The following CALCOCO2 variants were observed in gnomAD, a reference collection of about 807,000 sequenced individuals.
CALCOCO2 encodes calcium binding and coiled-coil domain 2, also known as calcium-binding and coiled-coil domain-containing protein 2.
In CALCOCO2, 42 loss-of-function variants were observed where a neutral mutation model predicts 62.5. That is an observed-to-expected ratio of 0.67 (90% CI 0.53 to 0.87). The LOEUF is 0.87. Among genes scored for constraint, CALCOCO2 ranks in the 40% least tolerant of loss-of-function variants. CALCOCO2 has a pLI of 0.00. For synonymous variants in CALCOCO2, 167 were observed against 173.0 expected, an observed-to-expected ratio of 0.97 and a Z score of 0.27; for missense variants, 456 against 515.0, an observed-to-expected ratio of 0.89 and a Z score of 1.11.
chr17:48,856,230 G>A, intron 10 of CALCOCO2, 43 bp downstream of exon 10: 1 of 1,121,454 alleles, frequency 8.9e-7, no homozygotes, highest in Non-Finnish European at 1.3e-6. Flanking sequence ...GGTTTTAAGG[G>A]GAAGGATCAG....
intron 1 of CALCOCO2, chr17:48,841,451 T>C: frequency 2.8e-6 from 1 of 354,576 alleles, no homozygotes. Flanking sequence ...CCTCTGTTCA[T>C]GTGAGGGTTG....
intron 10 of CALCOCO2, among the ~76,000 whole-genome samples, chr17:48,858,062 A>AATAGAATAGAATAGAATAGG: frequency 7.0e-6 from 1 of 142,578 alleles, no homozygotes; most frequent in African/African-American, 2.6e-5. Flanking sequence ...AATAGAATAG[A>AATAGAATAGAATAGAATAGG]ATAGAATAGA....
intron 1 of CALCOCO2, among the ~76,000 whole-genome samples, chr17:48,836,700 C>T (rs1439550081): frequency 2.6e-5 from 4 of 151,432 alleles, no homozygotes; most frequent in South Asian, 2.1e-4. Context: ...CCCTTTATTT[C>T]CAAGTGGTCT....
chr17:48,838,169 A>C (rs1201661295), intron 1 of CALCOCO2, among the ~76,000 whole-genome samples: 1 of 151,972 alleles, frequency 6.6e-6, no homozygotes, highest in Non-Finnish European at 1.5e-5. Context: ...GGTCGTGATC[A>C]ATTGAGCAAG....
chr17:48,846,013 C>T, intron 2 of CALCOCO2: 6 of 1,249,516 alleles, frequency 4.8e-6, no homozygotes, highest in Non-Finnish European at 6.6e-6. Context: ...ACCTCAAATG[C>T]TCTCCCCAGT....
intron 1 of CALCOCO2, among the ~76,000 whole-genome samples, chr17:48,834,440 C>T (rs905567704): frequency 2.0e-4 from 31 of 152,070 alleles, no homozygotes; most frequent in African/African-American, 7.5e-4. Flanking sequence ...ATTATTTTAC[C>T]CATGCTTGAT....
intron 4 of CALCOCO2, 88 bp from the exon 5 acceptor site, chr17:48,849,164 G>C: frequency 7.8e-7 from 1 of 1,274,592 alleles, no homozygotes; most frequent in Non-Finnish European, 1.1e-6. Flanking sequence ...GCAGTGAATG[G>C]GAATCAGCCA....
chr17:48,862,415 A>C, intron 12 of CALCOCO2, 111 bp downstream of exon 12: 1 of 803,826 alleles, frequency 1.2e-6, no homozygotes, highest in Admixed American at 1.9e-5. Context: ...TAACTCCAGA[A>C]GTCAGCTGGA....
At chr17:48,852,842 C>A in intron 8 of CALCOCO2, 84 bp from the exon 9 acceptor site, 1 of 1,113,388 alleles carries the variant, frequency 9.0e-7, no homozygotes, top group Non-Finnish European at 1.4e-6. Context: ...CCTGCTTGCT[C>A]ATTAGCTTAG....
chr17:48,858,777 G>T (rs991887861), intron 10 of CALCOCO2, among the ~76,000 whole-genome samples: 1 of 151,844 alleles, frequency 6.6e-6, no homozygotes, highest in Non-Finnish European at 1.5e-5. Flanking sequence ...ACTGTAGGCC[G>T]GGTGCTGTGG....
At chr17:48,854,382 T>TTATATATATATATA (rs201839175) in intron 9 of CALCOCO2, among the ~76,000 whole-genome samples, 248 of 5,968 alleles carry the variant, frequency 0.042, 51 homozygotes, top group Non-Finnish European at 0.1. Flanking sequence ...TTTCTTTTAT[T>TTATATATATATATA]TATATATATA....
intron 10 of CALCOCO2, chr17:48,856,450 G>T: frequency 2.8e-5 from 13 of 469,408 alleles, no homozygotes; most frequent in Admixed American, 2.2e-4. Flanking sequence ...ACTTATTTTT[G>T]CTTTTAACTT....
intron 5 of CALCOCO2, 139 bp downstream of exon 5, chr17:48,849,516 G>A (rs2040098098): frequency 2.6e-6 from 2 of 769,232 alleles, no homozygotes; most frequent in African/African-American, 3.5e-5. Flanking sequence ...AGTTTTGTTT[G>A]TTTGTTTGAA....
At chr17:48,854,999 T>G (rs926507722) in intron 9 of CALCOCO2, among the ~76,000 whole-genome samples, 6 of 152,218 alleles carry the variant, frequency 3.9e-5, no homozygotes, top group Non-Finnish European at 8.8e-5. Context: ...GCTGCACTGG[T>G]AGGTGACAGA....
chr17:48,837,248 C>A (rs753402795), intron 1 of CALCOCO2, among the ~76,000 whole-genome samples: 6 of 152,202 alleles, frequency 3.9e-5, no homozygotes, highest in Admixed American at 1.3e-4. Context: ...CCTGCCCACT[C>A]TCTCATAGCA....
intron 10 of CALCOCO2, among the ~76,000 whole-genome samples, chr17:48,857,669 T>C (rs980066051): frequency 2.7e-5 from 4 of 150,516 alleles, no homozygotes; most frequent in Non-Finnish European, 5.9e-5. Context: ...CTTTTTAAAA[T>C]TGCGGTTAAA....
intron 5 of CALCOCO2, 98 bp from the exon 6 acceptor site, chr17:48,850,991 A>G (rs1029203639): frequency 1.7e-5 from 12 of 708,394 alleles, no homozygotes; most frequent in Non-Finnish European, 2.6e-5. Context: ...TATGCCTGAC[A>G]TATAGTAAGT....
chr17:48,847,027 CT>C lies in CALCOCO2; in HGVS notation c.181-1035del, dbSNP rs200680714. ...GCTCTGAGGCGTGTTTTGCTGCATC[CT>C]TATGTCTTATGATTTATTGTATTCA... On this transcript the variant is annotated intron_variant, in intron 2 of 12. Transcript: ENST00000258947. Among the ~76,000 whole-genome samples the C allele has an allele frequency of 5.8e-3, 889 of 152,216 alleles. 7 individuals carry two copies. Among genetic ancestry groups the C allele is most frequent in the African/African-American group, 0.021 (855 of 41,538 alleles).
At position 48,851,503 on chromosome 17, in the gene CALCOCO2, G is replaced by A. The variant is rs537676373; in HGVS notation, c.633-56G>A. ...GCCAGCCTTAAATCACTTAAGGCCA[G>A]GGGTAGCTGACCTGGAATCAGTGAA... On this transcript the variant is annotated intron_variant, in intron 6 of 12. Coordinates refer to ENST00000258947, the MANE Select transcript of CALCOCO2 (RefSeq NM_005831.5). The A allele has an allele frequency of 5.8e-4, 576 of 994,960 alleles. 3 individuals carry two copies. The highest frequency in any genetic ancestry group is 3.0e-3 in the Middle Eastern group (15 of 4,924). The allele number at this position is 994,960 out of a possible 1,614,324, so 61.6% of individuals were successfully genotyped here. A position where few individuals can be genotyped will look rare whatever the true frequency, so the allele number is the denominator to read the frequency against.
Sources: gnomAD v4.1 joint callset for allele counts (sites outside exome capture counted in the v4.1 genomes callset) on GRCh38, gnomAD v4.1.1 for gene constraint, MANE v1.5 for transcripts, NCBI Gene and HGNC (gene_info 2026-07-23, HGNC 2026-07-21) for gene names.